The following CAST variants were observed in gnomAD, a reference collection of about 807,000 sequenced individuals.
CAST encodes the protein MIR583 host.
CAST carries 76 observed loss-of-function variants against 119.6 expected under a neutral mutation model. That is an observed-to-expected ratio of 0.64 (90% confidence interval 0.53 to 0.77). CAST has a LOEUF of 0.77. Ranked by LOEUF, CAST falls within the 30% of genes least tolerant of loss-of-function variation. The pLI is 0.00. For missense variants in CAST, 953 were observed against 946.5 expected (o/e 1.01, Z -0.09); for synonymous variants, 319 against 331.6 (o/e 0.96, Z 0.41).
chr5:95,972,826 G>T, the CAST span, among the ~76,000 whole-genome samples: 1 of 152,104 alleles, frequency 6.6e-6, no homozygotes, highest in Non-Finnish European at 1.5e-5. Context: ...TTTCTTCTAA[G>T]TGTTTTACAG....
At chr5:96,569,455 C>T (rs1275613350) in intron 1 of CAST, among the ~76,000 whole-genome samples, 1 of 152,088 alleles carries the variant, frequency 6.6e-6, no homozygotes, top group Non-Finnish European at 1.5e-5. Context: ...TTTCTAAGAC[C>T]CAGATGCCAA....
At chr5:96,563,713 G>T (rs1007537730) in intron 1 of CAST, among the ~76,000 whole-genome samples, 6 of 152,044 alleles carry the variant, frequency 3.9e-5, no homozygotes, top group Middle Eastern at 3.4e-3. Flanking sequence ...TATGGTATAC[G>T]GTTCACTGCC....
chr5:96,104,803 T>C, the CAST span, among the ~76,000 whole-genome samples: 1 of 106,338 alleles, frequency 9.4e-6, no homozygotes, highest in Admixed American at 1.0e-4. Context: ...GGGATGGCAT[T>C]GAATCTGTAA....
intron 1 of CAST, among the ~76,000 whole-genome samples, chr5:96,626,183 T>C (rs968459993): frequency 1.3e-5 from 2 of 152,190 alleles, no homozygotes; most frequent in African/African-American, 4.8e-5. Context: ...CTCACACTAG[T>C]GCAAGGGGCC....
upstream of CAST, among the ~76,000 whole-genome samples, chr5:96,528,878 G>T (rs17086205): frequency 6.6e-6 from 1 of 152,148 alleles, no homozygotes; most frequent in Non-Finnish European, 1.5e-5. Context: ...TTCTCAAGTC[G>T]TATTTCTCTG....
At chr5:96,608,172 C>A (rs1747295982) in intron 1 of CAST, among the ~76,000 whole-genome samples, 1 of 152,150 alleles carries the variant, frequency 6.6e-6, no homozygotes, top group Admixed American at 6.5e-5. Context: ...TTTTTAGATT[C>A]CACATATGAG....
Position 96,587,246 on chromosome 5 carries a change from G to A in CAST, c.60+57366G>A, listed in dbSNP as rs151060098. Among the ~76,000 whole-genome samples the A allele has an allele frequency of 1.2e-3, 188 of 152,262 alleles. 1 individual carries two copies. Among genetic ancestry groups the A allele is most frequent in the African/African-American group, 4.3e-3 (179 of 41,548 alleles). On this transcript the variant is annotated intron_variant, in intron 1 of 11. Transcript: ENST00000505143. ...ACTTTAAGAGCAACCCATTACAGCCGCTCAGACCTTTGTCCCTCTAGCTCA... is the reference window on the plus strand; with the variant it reads ...ACTTTAAGAGCAACCCATTACAGCCACTCAGACCTTTGTCCCTCTAGCTCA...
rs1419112438 is a variant in CAST at position 96,730,849 on chromosome 5, C to T, written c.619C>T (p.Pro207Ser). 1 of 1,612,586 alleles carries T rather than the reference C, an allele frequency of 6.2e-7. No individual in the cohort carries two copies. The highest frequency in any genetic ancestry group is 1.3e-5 in the African/African-American group (1 of 74,882). ...TGGTATCACTGCAATATCTGGCAAG[C>T]CGGGTGACAAGGTGAGCACACACAA... is the stretch of plus-strand genomic sequence containing the variant. ...VAGITAISGK[P>S]GDKKKEKKSL... Residue 207 changes from proline to serine, a missense_variant, in exon 9 of 32, where the codon CCG becomes TCG. Pro to Ser is a moderately conservative substitution (Grantham distance 74). Transcript: ENST00000675179.
At chr5:96,514,664 T>C in the CAST span, among the ~76,000 whole-genome samples, 2 of 152,202 alleles carry the variant, frequency 1.3e-5, no homozygotes, top group Non-Finnish European at 2.9e-5. Context: ...TACTGTATCA[T>C]GAGACTTATG....
At chr5:96,488,711 G>A in the CAST span, among the ~76,000 whole-genome samples, 3 of 152,198 alleles carry the variant, frequency 2.0e-5, 1 homozygote, top group African/African-American at 7.2e-5. Context: ...CCACGAGTAA[G>A]TGGTAATCAT....
chr5:96,227,322 GAATT>G, the CAST span, among the ~76,000 whole-genome samples: 9 of 152,056 alleles, frequency 5.9e-5, no homozygotes, highest in Non-Finnish European at 1.3e-4. Context: ...TTTTTCAATA[GAATT>G]ATTTACTTAG....
At chr5:96,017,136 G>A in the CAST span, among the ~76,000 whole-genome samples, 5 of 152,050 alleles carry the variant, frequency 3.3e-5, no homozygotes, top group South Asian at 2.1e-4. Context: ...AAGGCCGGCC[G>A]GTTATCTATT....
the CAST span, among the ~76,000 whole-genome samples, chr5:96,479,426 G>A: frequency 6.6e-6 from 1 of 150,510 alleles, no homozygotes; most frequent in Admixed American, 6.6e-5. Flanking sequence ...TATCTAGTGA[G>A]TAACTACCAT....
intron 3 of CAST, among the ~76,000 whole-genome samples, chr5:96,708,181 C>T (rs1014157528): frequency 2.0e-5 from 3 of 152,050 alleles, no homozygotes; most frequent in Non-Finnish European, 4.4e-5. Context: ...TTTAGACATG[C>T]GTTATTTTAT....
the CAST span, among the ~76,000 whole-genome samples, chr5:96,032,079 AC>A: frequency 6.6e-6 from 1 of 152,106 alleles, no homozygotes. Context: ...GAGTGCCCTA[AC>A]CTTTGAAGTC....
the CAST span, among the ~76,000 whole-genome samples, chr5:96,504,162 C>G: frequency 6.6e-6 from 1 of 152,206 alleles, no homozygotes; most frequent in Non-Finnish European, 1.5e-5. Context: ...AGCAGGCCAG[C>G]TGGAGGGAGG....
chr5:96,701,952 A>T (rs189471564), intron 3 of CAST, among the ~76,000 whole-genome samples: 1 of 152,314 alleles, frequency 6.6e-6, no homozygotes, highest in East Asian at 1.9e-4. Context: ...CTTGAAAGGT[A>T]CATCAGAGGG....
chr5:96,237,318 G>T, the CAST span, among the ~76,000 whole-genome samples: 27 of 152,174 alleles, frequency 1.8e-4, no homozygotes, highest in African/African-American at 5.5e-4. Context: ...CATGTGATTT[G>T]TCTCTGCTAG....
the CAST span, chr5:96,423,316 G>T: frequency 3.7e-6 from 6 of 1,608,264 alleles, no homozygotes; most frequent in Non-Finnish European, 3.4e-6. Flanking sequence ...CACTTACATA[G>T]TTGGCATAAA....
Sources: gnomAD v4.1 joint callset for allele counts (sites outside exome capture counted in the v4.1 genomes callset) on GRCh38, gnomAD v4.1.1 for gene constraint, MANE v1.5 for transcripts, NCBI Gene and HGNC (gene_info 2026-07-23, HGNC 2026-07-21) for gene names.